The following CD4 variants were observed in gnomAD, a reference collection of about 807,000 sequenced individuals.
CD4 encodes CD4 molecule.
A neutral mutation model predicts 50.5 loss-of-function variants in CD4; 25 were observed. The ratio of observed to expected loss-of-function variants is 0.49; its 90% CI spans 0.36 to 0.69. The LOEUF (loss-of-function observed/expected upper bound fraction) is 0.69. Ranked by LOEUF, CD4 falls within the 30% of genes least tolerant of loss-of-function variation. CD4 has a pLI of 0.00. For missense variants in CD4, 456 were observed against 548.5 expected (o/e 0.83, Z 1.68); for synonymous variants, 207 against 221.9 (o/e 0.93, Z 0.60).
At position 6,814,172 on chromosome 12, in the gene CD4, C is replaced by G; in HGVS notation, c.245C>G (p.Ser82Ter). The change falls in exon 4 of 10, where the codon TCA (serine) becomes TGA (stop). Residue 82 changes from serine (S) to a stop codon, truncating the protein, a stop_gained. Coordinates refer to ENST00000011653, the MANE Select transcript of CD4 (RefSeq NM_000616.5). LOFTEE classifies it high-confidence loss of function. Reference protein sequence around the residue: ...GPSKLNDRADSRRSLWDQGNF... With the variant: ...GPSKLNDRAD Reference sequence around the variant, plus strand: ...TCCAAGCTGAATGATCGCGCTGACTCAAGAAGAAGCCTTTGGGACCAAGGA... The same window carrying G: ...TCCAAGCTGAATGATCGCGCTGACTGAAGAAGAAGCCTTTGGGACCAAGGA... 6.2e-7 allele frequency: 1 copy of G among 1,614,120 alleles called. No homozygotes were observed. The highest frequency in any genetic ancestry group is 8.5e-7 in the Non-Finnish European group (1 of 1,180,006).
chr12:6,806,099 G>A (rs1942746409), intron 3 of CD4, among the ~76,000 whole-genome samples: 2 of 148,230 alleles, frequency 1.3e-5, no homozygotes, highest in African/African-American at 5.0e-5. Context: ...AGAAGTTTGA[G>A]ATCAGCCTGG....
chr12:6,812,149 C>T (rs1555117102), intron 3 of CD4, among the ~76,000 whole-genome samples: 2 of 152,018 alleles, frequency 1.3e-5, no homozygotes, highest in Non-Finnish European at 1.5e-5. Flanking sequence ...CCTGCAATCC[C>T]AGCAATTTGG....
rs372531412 is a variant in CD4 at position 6,801,559 on chromosome 12, G to C, written c.214+1088G>C. The stretch of plus-strand genomic sequence containing the variant: ...TGCANATTTATTATTATTATTATTA[G>C]TTTATTTATTTATTTTTTTGAGACA... On this transcript the variant is annotated intron_variant, in intron 3 of 9. Coordinates refer to ENST00000011653, the MANE Select transcript of CD4 (RefSeq NM_000616.5). Among the ~76,000 whole-genome samples, 661 of 139,440 alleles carry C rather than the reference G, an allele frequency of 4.7e-3. 2 individuals carry two copies. Among genetic ancestry groups the C allele is most frequent in the Non-Finnish European group, 6.1e-3 (411 of 67,524 alleles). The allele number at this position is 139,440 out of a possible 152,430, so 91.5% of individuals were successfully genotyped here.
At position 6,814,138 on chromosome 12, in the gene CD4, C is replaced by G; in HGVS notation, c.215-4C>G. On this transcript the variant is annotated splice_polypyrimidine_tract_variant and splice_region_variant and intron_variant, in intron 3 of 9. Transcript: ENST00000011653. ...GTCCCCCCCCATATGTCTTCTGCTC[C>G]CAGGTCCATCCAAGCTGAATGATCG... 6.2e-7 allele frequency: 1 copy of G among 1,613,386 alleles called. No homozygotes were observed. Among genetic ancestry groups the G allele is most frequent in the South Asian group, 1.1e-5 (1 of 91,030 alleles).
chr12:6,807,618 C>T (rs567484127), intron 3 of CD4, among the ~76,000 whole-genome samples: 9 of 152,020 alleles, frequency 5.9e-5, no homozygotes, highest in Non-Finnish European at 1.2e-4. Flanking sequence ...CTTATGGCGC[C>T]GGAAATGTTC....
chr12:6,817,438 A>T (rs782518852), intron 7 of CD4, 108 bp downstream of exon 7: 15 of 935,866 alleles, frequency 1.6e-5, no homozygotes, highest in Non-Finnish European at 2.5e-5. Flanking sequence ...TTGGGGGGTT[A>T]TGGGTATGGT....
Position 6,816,284 on chromosome 12 carries a change from C to A in CD4, c.836C>A (p.Pro279Gln), listed in dbSNP as rs200399582. The change falls in exon 6 of 10, where the codon CCG becomes CAG. Residue 279 changes from proline to glutamine, a missense_variant. Physicochemically the swap from Pro to Gln is moderately conservative, Grantham distance 76. Coordinates refer to ENST00000011653, the MANE Select transcript of CD4 (RefSeq NM_000616.5). The surrounding 1 kb of genome is among the most constrained non-coding windows in gnomAD (Gnocchi z 4.9). ...AAGCTCCAGATGGGCAAGAAGCTCC[C>A]GCTCCACCTCACCCTGCCCCAGGCC... is the stretch of plus-strand genomic sequence containing the variant. ...DPKLQMGKKL[P>Q]LHLTLPQALP... 15 of 1,614,194 alleles carry A rather than the reference C, an allele frequency of 9.3e-6. No homozygotes were observed. The highest frequency in any genetic ancestry group is 1.3e-5 in the Non-Finnish European group (15 of 1,180,020).
chr12:6,813,014 C>T (rs1335182280), intron 3 of CD4, among the ~76,000 whole-genome samples: 2 of 151,958 alleles, frequency 1.3e-5, no homozygotes, highest in Non-Finnish European at 2.9e-5. Flanking sequence ...TCAGGTTATC[C>T]TCCCACCTCA....
At chr12:6,802,500 A>ACTT (rs1555115510) in intron 3 of CD4, among the ~76,000 whole-genome samples, 1 of 150,858 alleles carries the variant, frequency 6.6e-6, no homozygotes, top group Non-Finnish European at 1.5e-5. Flanking sequence ...TAGAGATGAG[A>ACTT]CTTCACCATG....
In CD4 at chr12:6,814,636, T is replaced by C; in HGVS notation, c.374-123T>C. ...CCTATCTTGGCTGGGGGTGCGCAGC[T>C]GGGTGCTGGGAGGAAGGAGATGTTG... On this transcript the variant is annotated intron_variant, in intron 4 of 9. Coordinates refer to ENST00000011653, the MANE Select transcript of CD4 (RefSeq NM_000616.5). 6 of 823,352 alleles carry C rather than the reference T, an allele frequency of 7.3e-6. No homozygotes were observed. The Admixed American group carries it at 1.1e-4, about 15-fold the overall frequency. 51.0% of individuals were successfully genotyped at this position (823,352 alleles called of 1,614,324 possible).
chr12:6,800,313 T>A lies in CD4; in HGVS notation c.56T>A (p.Leu19His). ...HLLLVLQLALLPAATQGKKVV... is the reference protein window; with the variant it reads ...HLLLVLQLALHPAATQGKKVV... ...TCCTTTCTTTTCCACTTAGCGCTCC[T>A]CCCAGCAGCCACTCAGGGAAAGAAA... Residue 19 changes from leucine (L) to histidine (H), a missense_variant, in exon 3 of 10, where the codon CTC (leucine) becomes CAC (histidine). Coordinates refer to ENST00000011653, the MANE Select transcript of CD4 (RefSeq NM_000616.5). 6.2e-7 allele frequency: 1 copy of A among 1,613,744 alleles called. No individual in the cohort carries two copies. Among genetic ancestry groups the A allele is most frequent in the Non-Finnish European group, 8.5e-7 (1 of 1,179,920 alleles).
chr12:6,796,140 CT>C (rs1293721966), intron 1 of CD4, among the ~76,000 whole-genome samples: 1 of 152,248 alleles, frequency 6.6e-6, no homozygotes, highest in Admixed American at 6.5e-5. Context: ...AGTCCTCTCT[CT>C]ATGTCTCAGC....
In CD4 at chr12:6,801,811, T is replaced by C. The variant is rs1942568000; in HGVS notation, c.214+1340T>C. ...TCCTGACCTCGTGATTTACCCTCCT[T>C]GGCCTCCCAAAGTGCTGGGATTACA... On this transcript the variant is annotated intron_variant, in intron 3 of 9. Coordinates refer to ENST00000011653, the MANE Select transcript of CD4 (RefSeq NM_000616.5). Among the ~76,000 whole-genome samples, 10 of 151,188 alleles carry C rather than the reference T, an allele frequency of 6.6e-5. No homozygotes were observed. In the South Asian group the frequency reaches 2.1e-3, roughly 32 times the overall value.
At chr12:6,798,470 A>AG (rs1942444396) in intron 1 of CD4, among the ~76,000 whole-genome samples, 3 of 125,702 alleles carry the variant, frequency 2.4e-5, no homozygotes, top group Admixed American at 7.7e-5. Flanking sequence ...AGAACTTTTT[A>AG]AAAGTGCATC....
At chr12:6,812,451 G>A (rs1325565212) in intron 3 of CD4, among the ~76,000 whole-genome samples, 3 of 152,268 alleles carry the variant, frequency 2.0e-5, no homozygotes, top group South Asian at 2.1e-4. Flanking sequence ...AGGCCAAGGC[G>A]AGCGGATCAC....
chr12:6,817,177 T>TC lies in CD4; in HGVS notation c.1007dup (p.Lys337Ter). The TC allele has an allele frequency of 6.2e-7, 1 of 1,614,008 alleles. No homozygotes were observed. Among genetic ancestry groups the TC allele is most frequent in the Non-Finnish European group, 8.5e-7 (1 of 1,179,920 alleles). ...GACCTGTGAGGTGTGGGGACCCACCTCCCCTAAGCTGATGCTGAGTTTGAA... is the reference window on the plus strand; with the variant it reads ...GACCTGTGAGGTGTGGGGACCCACCTCCCCCTAAGCTGATGCTGAGTTTGAA... On this transcript the variant is annotated frameshift_variant, in exon 7 of 10. Coordinates refer to ENST00000011653, the MANE Select transcript of CD4 (RefSeq NM_000616.5). LOFTEE classifies it high-confidence loss of function.
chr12:6,804,651 T>C (rs1942670407), intron 3 of CD4, among the ~76,000 whole-genome samples: 1 of 152,162 alleles, frequency 6.6e-6, no homozygotes. Context: ...GGTGGGAAGA[T>C]TGCTTAAGCC....
chr12:6,790,086 G>A (rs1204274958), intron 1 of CD4, among the ~76,000 whole-genome samples: 1 of 151,734 alleles, frequency 6.6e-6, no homozygotes, highest in Non-Finnish European at 1.5e-5. Flanking sequence ...AAATTAGAAA[G>A]AATAAATAAA....
At chr12:6,801,516 C>CAAA (rs200977719) in intron 3 of CD4, among the ~76,000 whole-genome samples, 3 of 120,248 alleles carry the variant, frequency 2.5e-5, no homozygotes, top group East Asian at 2.4e-4. Context: ...GACTTCATCT[C>CAAA]AAAAAAAAAA....
Sources: gnomAD v4.1 joint callset for allele counts (sites outside exome capture counted in the v4.1 genomes callset) on GRCh38, gnomAD v4.1.1 for gene constraint, Gnocchi (gnomAD v3.1) non-coding constraint, MANE v1.5 for transcripts, NCBI Gene and HGNC (gene_info 2026-07-23, HGNC 2026-07-21) for gene names.